Variants in ARB2A observed in about 807,000 individuals in gnomAD.
ARB2A encodes the protein ARB2 cotranscriptional regulator A.
the ARB2A span, among the ~76,000 whole-genome samples, chr5:93,643,792 C>T: frequency 6.6e-6 from 1 of 152,172 alleles, no homozygotes; most frequent in Non-Finnish European, 1.5e-5. Flanking sequence ...CCACACCTAG[C>T]CTAAGACTTT....
chr5:93,725,465 T>G, the ARB2A span, among the ~76,000 whole-genome samples: 2 of 152,094 alleles, frequency 1.3e-5, no homozygotes, highest in Non-Finnish European at 2.9e-5. Flanking sequence ...ATTGTAAGAA[T>G]TTAATTAGAT....
the ARB2A span, among the ~76,000 whole-genome samples, chr5:93,891,798 T>G: frequency 3.9e-5 from 6 of 152,064 alleles, no homozygotes; most frequent in African/African-American, 1.4e-4. Context: ...GCCAGAGCAT[T>G]CGGGAAATGT....
At chr5:93,909,580 ATTAG>A in the ARB2A span, among the ~76,000 whole-genome samples, 249 of 151,142 alleles carry the variant, frequency 1.6e-3, 1 homozygote, top group African/African-American at 5.7e-3. Flanking sequence ...CTGCCCATAA[ATTAG>A]TTATAGTCTA....
At chr5:94,063,867 T>C in the ARB2A span, among the ~76,000 whole-genome samples, 2,156 of 152,136 alleles carry the variant, frequency 0.014, 55 homozygotes, top group African/African-American at 0.049. Context: ...TCCATTATGA[T>C]AGCAAATTCA....
chr5:93,714,828 CTA>C, the ARB2A span, among the ~76,000 whole-genome samples: 31 of 152,300 alleles, frequency 2.0e-4, no homozygotes, highest in South Asian at 3.5e-3. Flanking sequence ...CTTTGAAGAT[CTA>C]GTCTTGATAA....
At chr5:94,036,312 C>A in the ARB2A span, among the ~76,000 whole-genome samples, 2 of 152,168 alleles carry the variant, frequency 1.3e-5, no homozygotes, top group Non-Finnish European at 2.9e-5. Context: ...TCCCTTCATC[C>A]CATTCCTCCA....
chr5:93,916,691 C>T, the ARB2A span, among the ~76,000 whole-genome samples: 1 of 152,030 alleles, frequency 6.6e-6, no homozygotes, highest in Non-Finnish European at 1.5e-5. Context: ...CTCAGAACCC[C>T]CTAAACTATG....
At chr5:94,093,307 C>T in the ARB2A span, among the ~76,000 whole-genome samples, 4 of 152,008 alleles carry the variant, frequency 2.6e-5, no homozygotes, top group African/African-American at 9.7e-5. Context: ...AGCGGCCATA[C>T]AAAATACCAT....
At chr5:94,091,760 G>A in the ARB2A span, among the ~76,000 whole-genome samples, 48 of 152,152 alleles carry the variant, frequency 3.2e-4, no homozygotes, top group Non-Finnish European at 6.8e-4. Flanking sequence ...GATTGTGGAC[G>A]CTCACTTAGT....
chr5:93,725,075 A>T, the ARB2A span, among the ~76,000 whole-genome samples: 1 of 151,848 alleles, frequency 6.6e-6, no homozygotes, highest in Non-Finnish European at 1.5e-5. Flanking sequence ...AGAATGATGC[A>T]CAACTTAAAA....
the ARB2A span, among the ~76,000 whole-genome samples, chr5:93,698,630 C>T: frequency 3.7e-4 from 57 of 152,154 alleles, no homozygotes; most frequent in Non-Finnish European, 6.2e-4. Context: ...TAACTCATTG[C>T]ATGTCAGCCT....
the ARB2A span, among the ~76,000 whole-genome samples, chr5:93,927,878 T>G: frequency 1.3e-5 from 2 of 152,104 alleles, no homozygotes; most frequent in African/African-American, 4.8e-5. Flanking sequence ...GGAGACAGAT[T>G]ACTGATATCC....
the ARB2A span, among the ~76,000 whole-genome samples, chr5:93,654,036 T>C: frequency 6.6e-6 from 1 of 152,230 alleles, no homozygotes; most frequent in African/African-American, 2.4e-5. Context: ...GAATTACTCT[T>C]GTATGCTGGA....
At chr5:93,827,579 G>T in the ARB2A span, among the ~76,000 whole-genome samples, 1 of 151,898 alleles carries the variant, frequency 6.6e-6, no homozygotes, top group South Asian at 2.1e-4. Flanking sequence ...TTCTTTTGCT[G>T]TGCAGAAGCT....
At chr5:93,766,406 GACA>G in the ARB2A span, among the ~76,000 whole-genome samples, 14 of 152,140 alleles carry the variant, frequency 9.2e-5, no homozygotes, top group South Asian at 2.7e-3. Context: ...CTCAAAAGAA[GACA>G]TTTATGCAGC....
chr5:93,717,969 G>C, the ARB2A span, among the ~76,000 whole-genome samples: 1 of 151,554 alleles, frequency 6.6e-6, no homozygotes, highest in Admixed American at 6.6e-5. Context: ...TGAGTAGCTG[G>C]GATTACAGGT....
chr5:94,020,954 A>C, the ARB2A span, among the ~76,000 whole-genome samples: 1 of 152,150 alleles, frequency 6.6e-6, no homozygotes, highest in African/African-American at 2.4e-5. Flanking sequence ...TGATGAGTTG[A>C]TGGGTGCAGC....
the ARB2A span, chr5:93,618,190 C>T: frequency 6.6e-6 from 1 of 151,684 alleles, no homozygotes; most frequent in East Asian, 1.9e-4. Flanking sequence ...CAGGTCAAAG[C>T]ACGAGGCAGA....
At chr5:94,046,974 T>C in the ARB2A span, among the ~76,000 whole-genome samples, 13 of 152,102 alleles carry the variant, frequency 8.5e-5, no homozygotes, top group African/African-American at 3.1e-4. Flanking sequence ...ACAGTGAAAT[T>C]AGCAATCAAA....
Sources: allele counts gnomAD v4.1 joint callset (sites outside exome capture counted in the v4.1 genomes callset), GRCh38; gene constraint gnomAD v4.1.1; transcripts MANE v1.5; gene names NCBI Gene and HGNC (gene_info 2026-07-23, HGNC 2026-07-21).